PPARGC1A: variants seen among roughly 807,000 people sequenced by gnomAD.
The protein encoded by PPARGC1A is PPARG coactivator 1 alpha.
PPARGC1A carries 25 observed loss-of-function variants against 88.7 expected under a neutral mutation model. The observed-to-expected ratio is 0.28, with a 90% CI of 0.21 to 0.39. The LOEUF is 0.39. PPARGC1A is among the 10% of genes least tolerant of loss of function. PPARGC1A has a pLI of 1.00. For synonymous variants in PPARGC1A, 363 were observed against 355.6 expected (o/e 1.02, Z -0.24); for missense variants, 880 against 968.7 (o/e 0.91, Z 1.22).
At chr4:24,341,277 A>G in the PPARGC1A span, among the ~76,000 whole-genome samples, 1 of 151,598 alleles carries the variant, frequency 6.6e-6, no homozygotes, top group Non-Finnish European at 1.5e-5. Context: ...AAATAAACCA[A>G]CTGATCTGAA....
the PPARGC1A span, among the ~76,000 whole-genome samples, chr4:24,359,394 T>G: frequency 0.33 from 50,315 of 151,974 alleles, 8,548 homozygotes; most frequent in South Asian, 0.39. Context: ...TATACCTTTA[T>G]CCCGGTCTCT....
At chr4:23,804,773 T>C (rs1002169374) in intron 10 of PPARGC1A, among the ~76,000 whole-genome samples, 1 of 152,142 alleles carries the variant, frequency 6.6e-6, no homozygotes, top group Non-Finnish European at 1.5e-5. Context: ...ACATGCTCTT[T>C]CCCTGCTACT....
the PPARGC1A span, among the ~76,000 whole-genome samples, chr4:23,958,907 T>C: frequency 6.6e-6 from 1 of 152,014 alleles, no homozygotes; most frequent in Admixed American, 6.6e-5. Context: ...TTGTATTATT[T>C]ATCCTTAAAG....
At chr4:23,903,956 G>T (rs190771677), upstream of PPARGC1A, 75 of 849,558 alleles carry the variant, frequency 8.8e-5, 1 homozygote, top group East Asian at 7.2e-3. Context: ...ATAGCATAAA[G>T]CCTCCTAGGT....
chr4:24,311,483 A>G, the PPARGC1A span, among the ~76,000 whole-genome samples: 1 of 148,792 alleles, frequency 6.7e-6, no homozygotes, highest in Non-Finnish European at 1.5e-5. Context: ...AAAAAAAAAT[A>G]CAAAAAATTA....
At chr4:24,272,095 A>G in the PPARGC1A span, among the ~76,000 whole-genome samples, 3 of 151,852 alleles carry the variant, frequency 2.0e-5, no homozygotes, top group Non-Finnish European at 4.4e-5. Context: ...TACTCCTTCC[A>G]TGTTTTCTCC....
the PPARGC1A span, among the ~76,000 whole-genome samples, chr4:24,359,217 C>T: frequency 6.6e-6 from 1 of 151,906 alleles, no homozygotes; most frequent in Admixed American, 6.6e-5. Context: ...TATACAAAAT[C>T]AAATAACTTC....
At chr4:24,176,818 C>T in the PPARGC1A span, among the ~76,000 whole-genome samples, 1 of 152,118 alleles carries the variant, frequency 6.6e-6, no homozygotes, top group African/African-American at 2.4e-5. Context: ...CAGGCAAAAA[C>T]CTCAAACCAC....
upstream of PPARGC1A, among the ~76,000 whole-genome samples, chr4:23,901,558 GA>G (rs1719387983): frequency 6.7e-6 from 1 of 148,484 alleles, no homozygotes; most frequent in Non-Finnish European, 1.5e-5. Context: ...AAAAAAAAAA[GA>G]AAAGAAAAAA....
upstream of PPARGC1A, among the ~76,000 whole-genome samples, chr4:23,893,333 A>C (rs1388668509): frequency 6.6e-6 from 1 of 152,178 alleles, no homozygotes; most frequent in Non-Finnish European, 1.5e-5. Context: ...TAAAAATTAG[A>C]ATCAAATTCA....
At chr4:24,325,329 C>T in the PPARGC1A span, among the ~76,000 whole-genome samples, 9 of 152,108 alleles carry the variant, frequency 5.9e-5, no homozygotes, top group African/African-American at 1.9e-4. Context: ...TAATTAACCT[C>T]GCCTTCAAGG....
chr4:24,338,398 G>A, the PPARGC1A span, among the ~76,000 whole-genome samples: 176 of 152,222 alleles, frequency 1.2e-3, no homozygotes, highest in African/African-American at 4.1e-3. Flanking sequence ...TATATTTGCT[G>A]GGGAATGAAA....
At chr4:24,471,690 C>A in the PPARGC1A span, among the ~76,000 whole-genome samples, 5 of 152,148 alleles carry the variant, frequency 3.3e-5, no homozygotes, top group Non-Finnish European at 7.3e-5. The surrounding 1 kb of genome is among the most constrained non-coding windows in gnomAD (Gnocchi z 5.4). Flanking sequence ...CACCTACAGG[C>A]CGGCGGCGTG....
the PPARGC1A span, among the ~76,000 whole-genome samples, chr4:23,923,814 C>A: frequency 6.6e-6 from 1 of 152,216 alleles, no homozygotes; most frequent in Non-Finnish European, 1.5e-5. Flanking sequence ...CATTTTCCAA[C>A]TTCCTTTCCC....
the PPARGC1A span, among the ~76,000 whole-genome samples, chr4:24,327,989 C>G: frequency 6.6e-6 from 1 of 152,018 alleles, no homozygotes; most frequent in African/African-American, 2.4e-5. Context: ...CTCAGAAGCT[C>G]CCCCACTGAG....
chr4:23,890,217 TAA>T (rs35965035), upstream of PPARGC1A: 148,626 of 327,318 alleles, frequency 0.45, 22,885 homozygotes, highest in African/African-American at 0.57. Flanking sequence ...AGTAACGCTT[TAA>T]AAAAAAAAAA....
At chr4:23,862,337 T>C (rs1013038408) in intron 2 of PPARGC1A, among the ~76,000 whole-genome samples, 9 of 152,242 alleles carry the variant, frequency 5.9e-5, no homozygotes, top group African/African-American at 1.7e-4. Flanking sequence ...TTTGAGAAAA[T>C]TGCAAACAAG....
chr4:23,936,100 T>G, the PPARGC1A span, among the ~76,000 whole-genome samples: 1 of 152,222 alleles, frequency 6.6e-6, no homozygotes, highest in African/African-American at 2.4e-5. Context: ...TATTTCATTT[T>G]AAATAAGCTA....
the PPARGC1A span, among the ~76,000 whole-genome samples, chr4:24,188,395 A>G: frequency 1.3e-5 from 2 of 152,160 alleles, no homozygotes; most frequent in African/African-American, 4.8e-5. Context: ...GAGATCAGGC[A>G]AAGGCACTAA....
Sources: gnomAD v4.1 joint callset for allele counts (sites outside exome capture counted in the v4.1 genomes callset) on GRCh38, gnomAD v4.1.1 for gene constraint, Gnocchi (gnomAD v3.1) non-coding constraint, MANE v1.5 for transcripts, NCBI Gene and HGNC (gene_info 2026-07-23, HGNC 2026-07-21) for gene names.